PCDH15: variants seen among roughly 807,000 people sequenced by gnomAD.
PCDH15 encodes protocadherin-15.
A neutral mutation model predicts 178.5 loss-of-function variants in PCDH15; 129 were observed. The observed-to-expected ratio is 0.72, with a 90% CI of 0.63 to 0.84. PCDH15 has a LOEUF of 0.84. Among genes scored for constraint, PCDH15 ranks in the 40% least tolerant of loss-of-function variants. PCDH15 has a pLI of 0.00. For synonymous variants in PCDH15, 800 were observed against 732.0 expected (o/e 1.09, Z -1.50); for missense variants, 2,230 against 2,099.9 (o/e 1.06, Z -1.21).
chr10:54,011,981 G>T (rs2092601582), intron 20 of PCDH15, among the ~76,000 whole-genome samples: 1 of 152,146 alleles, frequency 6.6e-6, no homozygotes, highest in South Asian at 2.1e-4. Context: ...ATATGGGTAG[G>T]AATGAAAATC....
At chr10:54,914,352 T>C (rs1369785455) in intron 2 of PCDH15, among the ~76,000 whole-genome samples, 1 of 152,188 alleles carries the variant, frequency 6.6e-6, no homozygotes, top group Non-Finnish European at 1.5e-5. Flanking sequence ...ATGTAGAATG[T>C]GTCAGTTTCC....
At chr10:55,368,711 C>T (rs1845424019) in intron 2 of PCDH15, among the ~76,000 whole-genome samples, 1 of 152,070 alleles carries the variant, frequency 6.6e-6, no homozygotes, top group South Asian at 2.1e-4. Context: ...GCTGAAAGCC[C>T]TTTAAGTAAG....
rs538117674 is a variant in PCDH15 at position 55,625,062 on chromosome 10, C to G, written c.-156+2563G>C. On this transcript the variant is annotated intron_variant, in intron 2 of 5. Transcript: ENST00000613346. ...ATAAATTTAAAAAGTTTTTCTCTCTCCAGTGAGAAAGTGATAATCATAATG... is the reference window on the plus strand; with the variant it reads ...ATAAATTTAAAAAGTTTTTCTCTCTGCAGTGAGAAAGTGATAATCATAATG... Among the ~76,000 whole-genome samples, 3 of 152,138 alleles carry G rather than the reference C, an allele frequency of 2.0e-5. No homozygotes were observed. In the South Asian group the frequency reaches 6.2e-4, roughly 32 times the overall value.
chr10:54,791,142 A>G (rs1951370143), intron 1 of PCDH15, among the ~76,000 whole-genome samples: 1 of 151,908 alleles, frequency 6.6e-6, no homozygotes, highest in Non-Finnish European at 1.5e-5. Context: ...TTTTGGAATC[A>G]TTAATGGTAT....
chr10:55,450,395 G>A (rs754227720), intron 2 of PCDH15, among the ~76,000 whole-genome samples: 1 of 152,158 alleles, frequency 6.6e-6, no homozygotes, highest in African/African-American at 2.4e-5. Flanking sequence ...AAGACAACAA[G>A]TAGAGCAAAG....
chr10:55,431,544 G>A (rs1245419108), intron 2 of PCDH15, among the ~76,000 whole-genome samples: 2 of 152,062 alleles, frequency 1.3e-5, no homozygotes, highest in African/African-American at 4.8e-5. Context: ...GATATCACTG[G>A]AATTAAAATT....
At chr10:54,612,576 A>G (rs1369994703) in intron 2 of PCDH15, among the ~76,000 whole-genome samples, 1 of 151,760 alleles carries the variant, frequency 6.6e-6, no homozygotes, top group Non-Finnish European at 1.5e-5. Flanking sequence ...AGAAAAACAT[A>G]ATCTAAAAGT....
chr10:55,591,685 C>G lies in PCDH15; in HGVS notation c.-156+35940G>C, dbSNP rs73261456. On this transcript the variant is annotated intron_variant, in intron 2 of 5. Transcript: ENST00000613346. ...CAGGGGAGGAGTAAGGAGGAATAGG[C>G]AGGAAAACCTGGCTAGGAGCAGGAT... Among the ~76,000 whole-genome samples the G allele has an allele frequency of 9.7e-4, 147 of 152,156 alleles. 1 individual carries two copies. Among genetic ancestry groups the G allele is most frequent in the African/African-American group, 3.3e-3 (139 of 41,522 alleles).
At chr10:55,448,303 T>A (rs1446937115) in intron 2 of PCDH15, among the ~76,000 whole-genome samples, 1 of 151,896 alleles carries the variant, frequency 6.6e-6, no homozygotes, top group Non-Finnish European at 1.5e-5. Context: ...TAGGTTAGAT[T>A]TTTTTTACAC....
intron 2 of PCDH15, among the ~76,000 whole-genome samples, chr10:54,538,836 A>G (rs2132913930): frequency 6.6e-6 from 1 of 152,264 alleles, no homozygotes; most frequent in Non-Finnish European, 1.5e-5. Flanking sequence ...TTTTCTTTAT[A>G]AATTACCCAG....
intron 2 of PCDH15, among the ~76,000 whole-genome samples, chr10:55,581,072 T>G (rs912131433): frequency 6.6e-6 from 1 of 152,172 alleles, no homozygotes; most frequent in Non-Finnish European, 1.5e-5. Context: ...TACTAAAATT[T>G]TATACAATAT....
intron 2 of PCDH15, among the ~76,000 whole-genome samples, chr10:55,405,665 T>C (rs1467616142): frequency 6.6e-6 from 1 of 151,838 alleles, no homozygotes; most frequent in Non-Finnish European, 1.5e-5. Context: ...TTATAAAGTA[T>C]AACTAAATAT....
chr10:55,361,598 T>C (rs756658442), intron 2 of PCDH15, among the ~76,000 whole-genome samples: 10 of 152,006 alleles, frequency 6.6e-5, no homozygotes, highest in African/African-American at 2.4e-4. Context: ...TTGCTAATCA[T>C]AGAAAATAGC....
chr10:54,752,275 G>A (rs888846741), intron 1 of PCDH15, among the ~76,000 whole-genome samples: 3 of 151,118 alleles, frequency 2.0e-5, no homozygotes, highest in African/African-American at 7.3e-5. Context: ...AGGAGATGGA[G>A]ACCATCCTGG....
Position 55,277,070 on chromosome 10 carries a change from T to C in PCDH15, c.-156+42529A>G, listed in dbSNP as rs185839883. ...GCTCTTACATTTATTTAAAAAGATA[T>C]GTTGTAAAATCTCCTACCTAGATTA... On this transcript the variant is annotated intron_variant, in intron 1 of 5. Transcript: ENST00000458638. 2.4e-3 allele frequency among the ~76,000 whole-genome samples: 358 copies of C among 152,204 alleles called. 7 individuals are homozygous for C. The highest frequency in any genetic ancestry group is 1.3e-3 in the Non-Finnish European group (85 of 67,956).
At chr10:54,506,444 T>C (rs2081175390) in intron 3 of PCDH15, among the ~76,000 whole-genome samples, 1 of 152,006 alleles carries the variant, frequency 6.6e-6, no homozygotes, top group Non-Finnish European at 1.5e-5. Flanking sequence ...TAACATTAAA[T>C]CATTTTCATG....
intron 23 of PCDH15, among the ~76,000 whole-genome samples, chr10:53,951,559 A>C (rs2087049164): frequency 6.6e-6 from 1 of 152,244 alleles, no homozygotes; most frequent in East Asian, 1.9e-4. Context: ...GAACCAAATA[A>C]AAGAGAAACA....
rs186792661 is a variant in PCDH15, at chr10:54,357,727, C to A, written c.475-11243G>T. Among the ~76,000 whole-genome samples the A allele has an allele frequency of 6.2e-3, 940 of 152,272 alleles. 9 individuals are homozygous for A. The highest frequency in any genetic ancestry group is 0.02 in the African/African-American group (835 of 41,552). On this transcript the variant is annotated intron_variant, in intron 5 of 37. Transcript: ENST00000644397. ...CCAAGTCAATCCTAAGCCAAAACCA[C>A]AAAGCTGGAGGCATCACGCTACCTG...
chr10:54,745,053 T>C (rs1945277158), intron 1 of PCDH15, among the ~76,000 whole-genome samples: 6 of 152,292 alleles, frequency 3.9e-5, no homozygotes, highest in Admixed American at 3.9e-4. Context: ...ACATGAATTA[T>C]ATTTTGAATT....
Sources: allele counts gnomAD v4.1 joint callset (sites outside exome capture counted in the v4.1 genomes callset), GRCh38; gene constraint gnomAD v4.1.1; transcripts MANE v1.5; gene names NCBI Gene and HGNC (gene_info 2026-07-23, HGNC 2026-07-21).